PTPN2: variants seen among roughly 807,000 people sequenced by gnomAD.
PTPN2 encodes the protein tyrosine-protein phosphatase non-receptor type 2.
A neutral mutation model predicts 57.3 loss-of-function variants in PTPN2; 19 were observed. That is an observed-to-expected ratio of 0.33 (90% CI 0.23 to 0.49). The LOEUF is 0.49. Ranked by LOEUF, PTPN2 falls within the 20% of genes least tolerant of loss-of-function variation. The pLI is 0.99. For missense variants in PTPN2, 358 were observed against 501.1 expected, an observed-to-expected ratio of 0.71 and a Z score of 2.73; for synonymous variants, 153 against 164.9, an observed-to-expected ratio of 0.93 and a Z score of 0.55.
intron 8 of PTPN2, among the ~76,000 whole-genome samples, chr18:12,799,652 T>C (rs2041336432): frequency 6.6e-6 from 1 of 151,310 alleles, no homozygotes; most frequent in African/African-American, 2.4e-5. Flanking sequence ...TGTTATGATC[T>C]CGGCTCACTG....
intron 7 of PTPN2, among the ~76,000 whole-genome samples, chr18:12,813,250 A>G (rs757317823): frequency 1.3e-5 from 2 of 152,188 alleles, no homozygotes; most frequent in Non-Finnish European, 2.9e-5. Context: ...AACATCTGAA[A>G]TAACTTTTAC....
chr18:12,795,225 T>C (rs1256427845), intron 8 of PTPN2, among the ~76,000 whole-genome samples: 3 of 152,226 alleles, frequency 2.0e-5, no homozygotes, highest in African/African-American at 7.2e-5. Context: ...GTGGGAGCAC[T>C]TATTCTTTTA....
intron 1 of PTPN2, among the ~76,000 whole-genome samples, chr18:12,881,424 G>C (rs144536805): frequency 6.6e-6 from 1 of 151,962 alleles, no homozygotes; most frequent in Non-Finnish European, 1.5e-5. Flanking sequence ...GCGACAGAGC[G>C]GGACTCTGTC....
At chr18:12,789,467 G>A (rs939759198), downstream of PTPN2, among the ~76,000 whole-genome samples, 2 of 152,128 alleles carry the variant, frequency 1.3e-5, no homozygotes, top group African/African-American at 4.8e-5. Flanking sequence ...GCCAAATAAG[G>A]GTTTCTTAAA....
chr18:12,829,568 C>G (rs949325807), intron 4 of PTPN2, among the ~76,000 whole-genome samples: 2 of 149,096 alleles, frequency 1.3e-5, no homozygotes, highest in Non-Finnish European at 3.0e-5. Flanking sequence ...TAGCCAATGA[C>G]AGGGTAATTT....
At chr18:12,830,096 CTTGA>C (rs1256657826) in intron 4 of PTPN2, among the ~76,000 whole-genome samples, 1 of 141,176 alleles carries the variant, frequency 7.1e-6, no homozygotes, top group Non-Finnish European at 1.6e-5. Context: ...TGTCATAATC[CTTGA>C]TTTTTTTTTT....
chr18:12,859,080 G>T, intron 2 of PTPN2, 84 bp downstream of exon 2: 1 of 963,394 alleles, frequency 1.0e-6, no homozygotes, highest in South Asian at 1.6e-5. Context: ...TATCAACACT[G>T]ACCCCAAGCC....
intron 5 of PTPN2, among the ~76,000 whole-genome samples, chr18:12,820,183 T>A (rs1472334129): frequency 6.6e-6 from 1 of 151,904 alleles, no homozygotes. Flanking sequence ...TGGAAGCCAG[T>A]TCCCAGAAAT....
At chr18:12,866,401 G>A (rs1345264138) in intron 1 of PTPN2, among the ~76,000 whole-genome samples, 1 of 151,998 alleles carries the variant, frequency 6.6e-6, no homozygotes, top group African/African-American at 2.4e-5. Context: ...TTGCACCACT[G>A]CACTCCAGCC....
chr18:12,809,948 G>C (rs2041833309), intron 7 of PTPN2, among the ~76,000 whole-genome samples: 1 of 152,204 alleles, frequency 6.6e-6, no homozygotes, highest in Non-Finnish European at 1.5e-5. Context: ...TTGGGAGGCT[G>C]AGGTGGGCAG....
chr18:12,878,445 G>A (rs2145543598), intron 1 of PTPN2, among the ~76,000 whole-genome samples: 1 of 152,112 alleles, frequency 6.6e-6, no homozygotes, highest in East Asian at 1.9e-4. Flanking sequence ...CGAGGCAGGT[G>A]GATCACCTGA....
At chr18:12,811,936 C>A (rs137994776) in intron 7 of PTPN2, among the ~76,000 whole-genome samples, 40 of 152,322 alleles carry the variant, frequency 2.6e-4, no homozygotes, top group African/African-American at 9.4e-4. Flanking sequence ...CTACCCATTT[C>A]TCTCACTGAA....
Position 12,852,833 on chromosome 18 carries a change from C to T in PTPN2, c.160+6331G>A, listed in dbSNP as rs143448924. Among the ~76,000 whole-genome samples the T allele has an allele frequency of 2.8e-3, 425 of 152,172 alleles. 3 individuals are homozygous for T. The highest frequency in any genetic ancestry group is 5.1e-3 in the Non-Finnish European group (347 of 67,998). Reference sequence around the variant, plus strand: ...TGTTTAAAAATAAACATTTCCAGACCGGCTGAATCCAAATCTAGAAAAGAA... The same window carrying T: ...TGTTTAAAAATAAACATTTCCAGACTGGCTGAATCCAAATCTAGAAAAGAA... On this transcript the variant is annotated intron_variant, in intron 2 of 8. Transcript: ENST00000309660.
downstream of PTPN2, among the ~76,000 whole-genome samples, chr18:12,790,287 G>T (rs1005382079): frequency 1.3e-5 from 2 of 152,070 alleles, no homozygotes; most frequent in Non-Finnish European, 2.9e-5. Context: ...TTTTAAGTCT[G>T]TACAACAACC....
intron 4 of PTPN2, among the ~76,000 whole-genome samples, chr18:12,828,739 A>G (rs1335444963): frequency 6.6e-6 from 1 of 152,186 alleles, no homozygotes; most frequent in African/African-American, 2.4e-5. Context: ...CCTAAAAACA[A>G]TGACCAGTCC....
chr18:12,883,399 C>T (rs981935746), intron 1 of PTPN2, among the ~76,000 whole-genome samples: 1 of 152,208 alleles, frequency 6.6e-6, no homozygotes, highest in African/African-American at 2.4e-5. Flanking sequence ...GACGGAGGGT[C>T]CCGAGAGCGC....
At position 12,793,784 on chromosome 18, in the gene PTPN2, A is replaced by T; in HGVS notation, c.*494T>A. The T allele has an allele frequency of 1.1e-6, 1 of 936,830 alleles. No individual in the cohort carries two copies. The highest frequency in any genetic ancestry group is 1.3e-6 in the Non-Finnish European group (1 of 784,102). The allele number at this position is 936,830 out of a possible 1,614,324, so 58.0% of individuals were successfully genotyped here. ...AAGATTAAATAGATACTTATAAAAT[A>T]TATTTACCCTGAAATGCTTAAGAAT... is the stretch of plus-strand genomic sequence containing the variant. On this transcript the variant is annotated 3_prime_UTR_variant, in exon 9 of 9. Coordinates refer to ENST00000309660, the MANE Select transcript of PTPN2 (RefSeq NM_002828.4).
Position 12,793,301 on chromosome 18 carries a change from G to A in PTPN2, c.*977C>T. On this transcript the variant is annotated 3_prime_UTR_variant, in exon 9 of 9. Transcript: ENST00000309660. ...TTGAAGTAGAAAGAAACTGAAAAGT[G>A]TTTACTTCAAAACTTCAGTCTAGTA... 1.0e-6 allele frequency: 1 copy of A among 972,414 alleles called. No individual in the cohort carries two copies. The highest frequency in any genetic ancestry group is 1.2e-6 in the Non-Finnish European group (1 of 817,720). The allele number at this position is 972,414 out of a possible 1,614,324, so 60.2% of individuals were successfully genotyped here. A position where few individuals can be genotyped will look rare whatever the true frequency, so the allele number is the denominator to read the frequency against.
chr18:12,819,235 CA>C (rs2042188828), intron 5 of PTPN2: 1 of 1,449,604 alleles, frequency 6.9e-7, no homozygotes. Context: ...TTTTAACATC[CA>C]GCATTAATAA....
Sources: allele counts gnomAD v4.1 joint callset (sites outside exome capture counted in the v4.1 genomes callset), GRCh38; gene constraint gnomAD v4.1.1; transcripts MANE v1.5; gene names NCBI Gene and HGNC (gene_info 2026-07-23, HGNC 2026-07-21).